The following TMEM38B variants were observed in gnomAD, a reference collection of about 807,000 sequenced individuals.
TMEM38B encodes the protein trimeric intracellular cation channel type B.
In TMEM38B, 24 loss-of-function variants were observed where a neutral mutation model predicts 28.7. That is an observed-to-expected ratio of 0.84 (90% CI 0.61 to 1.18). The LOEUF is 1.18. Ranked by LOEUF, TMEM38B falls within the 50% of genes most tolerant of loss-of-function variation. The probability of loss-of-function intolerance (pLI) is 0.00; values close to 1 mark genes in which losing one functional copy is unlikely to be tolerated. For synonymous variants in TMEM38B, 131 were observed against 127.7 expected, an observed-to-expected ratio of 1.03 and a Z score of -0.17; for missense variants, 380 against 350.9, an observed-to-expected ratio of 1.08 and a Z score of -0.66.
chr9:105,697,971 G>A (rs1254534715), intron 1 of TMEM38B, among the ~76,000 whole-genome samples: 3 of 151,862 alleles, frequency 2.0e-5, no homozygotes, highest in South Asian at 2.1e-4. Context: ...GTCATGGCTG[G>A]ATAGAACAGT....
chr9:105,758,851 TTGATAA>T lies in TMEM38B; in HGVS notation c.660+10663_660+10668del, dbSNP rs148622021. ...ATCAATGAAGATCAAGAAAATGCAG[TTGATAA>T]TAGAAAACTAAGCCAGGAAGATGTT... On this transcript the variant is annotated intron_variant, in intron 5 of 5. Transcript: ENST00000374692. 263 of 970,634 alleles carry T rather than the reference TTGATAA, an allele frequency of 2.7e-4. No individual in the cohort carries two copies. The African/African-American group carries it at 3.9e-3, about 15-fold the overall frequency. 60.1% of individuals were successfully genotyped at this position (970,634 alleles called of 1,614,324 possible). A position where few individuals can be genotyped will look rare whatever the true frequency, so the allele number is the denominator to read the frequency against.
At chr9:105,724,861 A>AT (rs1000935031) in intron 4 of TMEM38B, among the ~76,000 whole-genome samples, 5 of 152,064 alleles carry the variant, frequency 3.3e-5, no homozygotes, top group African/African-American at 4.8e-5. Context: ...TCCATAAAAC[A>AT]TTTTTTTGGG....
At chr9:105,754,274 G>A (rs1029920524) in intron 5 of TMEM38B, among the ~76,000 whole-genome samples, 1 of 152,036 alleles carries the variant, frequency 6.6e-6, no homozygotes. Flanking sequence ...CTCAGCTCTG[G>A]ATCAAGCAGA....
intron 5 of TMEM38B, chr9:105,759,710 T>A: frequency 6.3e-7 from 1 of 1,598,640 alleles, no homozygotes; most frequent in African/African-American, 1.3e-5. Context: ...AAACAGGAAT[T>A]CCTGTTGAAT....
In TMEM38B at chr9:105,716,651, A is replaced by ACAGAG. The variant is rs879614955; in HGVS notation, c.270-4886_270-4885insCAGAG. Among the ~76,000 whole-genome samples, 69 of 151,902 alleles carry ACAGAG rather than the reference A, an allele frequency of 4.5e-4. No individual in the cohort carries two copies. In the East Asian group the frequency reaches 0.013, roughly 28 times the overall value. On this transcript the variant is annotated intron_variant, in intron 2 of 5. Transcript: ENST00000374692. ...GAACTGTGTGAATCCACTTATGTGC[A>ACAGAG]GATTTTCTTCTGCCTCTGCCACCCC...
intron 1 of TMEM38B, among the ~76,000 whole-genome samples, chr9:105,698,241 T>TA (rs1376505649): frequency 6.6e-6 from 1 of 152,112 alleles, no homozygotes; most frequent in Non-Finnish European, 1.5e-5. Flanking sequence ...TCTTATATAT[T>TA]AAAGAGTGTT....
At chr9:105,696,701 C>T (rs1835301359) in intron 1 of TMEM38B, among the ~76,000 whole-genome samples, 2 of 152,052 alleles carry the variant, frequency 1.3e-5, no homozygotes, top group South Asian at 4.1e-4. Flanking sequence ...CTTGGGTGGC[C>T]CCAAGGAGAT....
chr9:105,764,923 C>T (rs55872862), intron 5 of TMEM38B, among the ~76,000 whole-genome samples: 2,991 of 152,186 alleles, frequency 0.02, 57 homozygotes, highest in African/African-American at 0.044. Context: ...TCAGAAATAA[C>T]GCCGCATATG....
intron 4 of TMEM38B, among the ~76,000 whole-genome samples, chr9:105,738,225 A>G (rs1374220250): frequency 6.6e-6 from 1 of 151,744 alleles, no homozygotes; most frequent in Non-Finnish European, 1.5e-5. Context: ...AGGTCTGCAG[A>G]AGTCCACAGT....
At chr9:105,759,915 C>T (rs1837973519) in intron 5 of TMEM38B, 1 of 1,596,814 alleles carries the variant, frequency 6.3e-7, no homozygotes, top group African/African-American at 1.3e-5. Flanking sequence ...CTGAAATGAT[C>T]ATGAAACCAA....
At chr9:105,698,742 A>G (rs558628593) in intron 1 of TMEM38B, among the ~76,000 whole-genome samples, 18 of 152,246 alleles carry the variant, frequency 1.2e-4, no homozygotes, top group Admixed American at 1.2e-3. Flanking sequence ...TTTGTAAAAT[A>G]GATTGGGAAG....
rs1468013617 is a variant in TMEM38B at position 105,718,833 on chromosome 9, C to A, written c.270-2704C>A. 2.6e-5 allele frequency among the ~76,000 whole-genome samples: 4 copies of A among 151,710 alleles called. No individual in the cohort carries two copies. The East Asian group carries it at 7.7e-4, about 29-fold the overall frequency. On this transcript the variant is annotated intron_variant, in intron 2 of 5. Coordinates refer to ENST00000374692, the MANE Select transcript of TMEM38B (RefSeq NM_018112.3). ...AAGTATCAATTACTTATATATGGCA[C>A]ATTTGTGTAACCGAGACTACATTTA...
At chr9:105,700,715 T>G (rs574059396) in intron 1 of TMEM38B, among the ~76,000 whole-genome samples, 1 of 152,278 alleles carries the variant, frequency 6.6e-6, no homozygotes, top group Non-Finnish European at 1.5e-5. Context: ...GATGAAAGTT[T>G]GTAAGTCTAG....
At chr9:105,769,773 GTGTTTAT>G (rs760042473) in intron 5 of TMEM38B, among the ~76,000 whole-genome samples, 6 of 152,064 alleles carry the variant, frequency 3.9e-5, no homozygotes, top group Non-Finnish European at 5.9e-5. Context: ...TATTGCAATT[GTGTTTAT>G]TGTTTATTGC....
chr9:105,746,997 T>G (rs565152115), intron 4 of TMEM38B, among the ~76,000 whole-genome samples: 42 of 152,286 alleles, frequency 2.8e-4, no homozygotes, highest in Admixed American at 1.2e-3. Context: ...ATTGAGAATT[T>G]TTGCATCGAT....
intron 2 of TMEM38B, among the ~76,000 whole-genome samples, chr9:105,711,474 C>T (rs1443155697): frequency 6.6e-6 from 1 of 151,766 alleles, no homozygotes; most frequent in African/African-American, 2.4e-5. Flanking sequence ...AAGGAAAATA[C>T]AGAAAACCAC....
At chr9:105,733,047 A>C (rs889718659) in intron 4 of TMEM38B, among the ~76,000 whole-genome samples, 2 of 152,050 alleles carry the variant, frequency 1.3e-5, no homozygotes, top group Non-Finnish European at 2.9e-5. Flanking sequence ...TGCGGTTTTG[A>C]GTGAGTTTCT....
chr9:105,764,326 G>A (rs1826268415), intron 5 of TMEM38B, among the ~76,000 whole-genome samples: 1 of 152,118 alleles, frequency 6.6e-6, no homozygotes, highest in Non-Finnish European at 1.5e-5. Flanking sequence ...TGTATATCTA[G>A]AAAACCCCAT....
rs894605010 is a variant in TMEM38B, at chr9:105,710,449, A to G, written c.269+4696A>G. The G allele has an allele frequency of 3.6e-6, 5 of 1,399,166 alleles. No homozygotes were observed. The African/African-American group carries it at 4.3e-5, about 12-fold the overall frequency. 86.7% of individuals were successfully genotyped at this position (1,399,166 alleles called of 1,614,324 possible). A position where few individuals can be genotyped will look rare whatever the true frequency, so the allele number is the denominator to read the frequency against. ...GACGTCTGTATCTGTCATAATCATC[A>G]TAGCGTGAAGAACTGTACATATTCC... On this transcript the variant is annotated intron_variant, in intron 2 of 5. Coordinates refer to ENST00000374692, the MANE Select transcript of TMEM38B (RefSeq NM_018112.3).
Sources: gnomAD v4.1 joint callset for allele counts (sites outside exome capture counted in the v4.1 genomes callset) on GRCh38, gnomAD v4.1.1 for gene constraint, MANE v1.5 for transcripts, NCBI Gene and HGNC (gene_info 2026-07-23, HGNC 2026-07-21) for gene names.